GPHN: variants seen among roughly 807,000 people sequenced by gnomAD.
GPHN encodes gephyrin.
A neutral mutation model predicts 95.5 loss-of-function variants in GPHN; 17 were observed. The observed-to-expected ratio is 0.18, with a 90% CI of 0.12 to 0.27. The LOEUF (loss-of-function observed/expected upper bound fraction) is 0.27, where lower values mean the gene tolerates loss of function less well. GPHN is among the 10% of genes least tolerant of loss of function. The probability of loss-of-function intolerance (pLI) is 1.00; values close to 1 mark genes in which losing one functional copy is unlikely to be tolerated. For synonymous variants in GPHN, 320 were observed against 322.5 expected (o/e 0.99, Z 0.08); for missense variants, 660 against 978.1 (o/e 0.67, Z 4.34).
At chr14:66,758,153 G>A (rs1011724408) in intron 2 of GPHN, among the ~76,000 whole-genome samples, 2 of 152,214 alleles carry the variant, frequency 1.3e-5, no homozygotes, top group Non-Finnish European at 1.5e-5. Context: ...ATATAAAGTA[G>A]GTGAAGGTGG....
intron 3 of GPHN, among the ~76,000 whole-genome samples, chr14:66,811,511 T>C (rs530301822): frequency 1.3e-3 from 180 of 141,116 alleles, no homozygotes; most frequent in Admixed American, 1.8e-3. Context: ...ATTTTAAGAA[T>C]CATAAAAATC....
At chr14:67,440,405 C>G in the GPHN span, among the ~76,000 whole-genome samples, 1 of 151,920 alleles carries the variant, frequency 6.6e-6, no homozygotes, top group African/African-American at 2.4e-5. Flanking sequence ...CTGTCTCCCC[C>G]ACCGAAAAAA....
chr14:67,594,921 G>A, the GPHN span, among the ~76,000 whole-genome samples: 1 of 152,124 alleles, frequency 6.6e-6, no homozygotes, highest in East Asian at 1.9e-4. Flanking sequence ...AGGCCGAGGC[G>A]GGCGGATCAC....
chr14:67,651,680 C>A, the GPHN span: 3 of 451,340 alleles, frequency 6.6e-6, no homozygotes, highest in Admixed American at 4.0e-5. Flanking sequence ...AAATGTTAAA[C>A]TGAGACAATA....
chr14:67,259,728 A>C, the GPHN span, among the ~76,000 whole-genome samples: 2 of 152,040 alleles, frequency 1.3e-5, no homozygotes, highest in Non-Finnish European at 2.9e-5. Context: ...TGGGCAACAT[A>C]GGAAGACTCC....
chr14:67,166,631 T>C (rs1046780141), intron 20 of GPHN, among the ~76,000 whole-genome samples: 1 of 142,424 alleles, frequency 7.0e-6, no homozygotes, highest in Non-Finnish European at 1.5e-5. Context: ...TTTGTTGTTA[T>C]TGGTTTTGTT....
At chr14:66,802,813 G>A (rs2060407874) in intron 3 of GPHN, among the ~76,000 whole-genome samples, 1 of 152,164 alleles carries the variant, frequency 6.6e-6, no homozygotes, top group South Asian at 2.1e-4. Context: ...CTCTGGCTGA[G>A]CTGGTATCCC....
intron 8 of GPHN, among the ~76,000 whole-genome samples, chr14:66,933,028 A>T (rs971433214): frequency 1.3e-5 from 2 of 152,234 alleles, no homozygotes; most frequent in South Asian, 4.1e-4. Flanking sequence ...AGACTTTCTC[A>T]TTGATTAACT....
At chr14:66,961,661 G>C (rs1365629576) in intron 8 of GPHN, among the ~76,000 whole-genome samples, 2 of 151,360 alleles carry the variant, frequency 1.3e-5, no homozygotes, top group African/African-American at 2.4e-5. Context: ...GTATGAAAAA[G>C]TGCTCACTCT....
At position 66,965,278 on chromosome 14, in the gene GPHN, G is replaced by T; in HGVS notation, c.916G>T (p.Ala306Ser). The change falls in exon 9 of 23, where the codon GCT (alanine) becomes TCT (serine). Residue 306 changes from alanine (A) to serine (S), a missense_variant. Physicochemically the swap from Ala to Ser is moderately conservative, Grantham distance 99 (BLOSUM62 1). This residue lies in a region of GPHN where 190 missense variants were observed against 224.7 expected (regional missense o/e 0.85). Coordinates refer to ENST00000478722, the MANE Select transcript of GPHN (RefSeq NM_020806.5). ...LSTTPSESPR[A>S]QATSRLSTAS... ...CACTACTCCTTCAGAATCGCCTCGT[G>T]CTCAGGCTACATCTCGCCTCTCTAC... 1 of 1,613,474 alleles carries T rather than the reference G, an allele frequency of 6.2e-7. No individual in the cohort carries two copies. Among genetic ancestry groups the T allele is most frequent in the South Asian group, 1.1e-5 (1 of 91,040 alleles).
At chr14:67,130,410 G>C (rs1265288838) in intron 17 of GPHN, among the ~76,000 whole-genome samples, 1 of 152,022 alleles carries the variant, frequency 6.6e-6, no homozygotes, top group Non-Finnish European at 1.5e-5. Context: ...TAGGATAATG[G>C]CCTCCAGCTG....
chr14:67,474,914 CTTTT>C, the GPHN span, among the ~76,000 whole-genome samples: 5 of 124,952 alleles, frequency 4.0e-5, no homozygotes, highest in African/African-American at 3.1e-5. Flanking sequence ...GAATTTCCTT[CTTTT>C]TTTTTTTTTT....
At chr14:67,489,714 G>A in the GPHN span, among the ~76,000 whole-genome samples, 1 of 152,192 alleles carries the variant, frequency 6.6e-6, no homozygotes, top group African/African-American at 2.4e-5. Context: ...TATGTAGCCG[G>A]GCGCGGTGGC....
intron 17 of GPHN, among the ~76,000 whole-genome samples, chr14:67,128,815 A>AT (rs1157802353): frequency 0.061 from 8,547 of 139,782 alleles, 285 homozygotes; most frequent in Admixed American, 0.083. Context: ...GGCGCTTCTA[A>AT]TTTTTTTTTT....
At chr14:67,407,483 G>A in the GPHN span, among the ~76,000 whole-genome samples, 1 of 151,200 alleles carries the variant, frequency 6.6e-6, no homozygotes, top group Non-Finnish European at 1.5e-5. Flanking sequence ...TTTGGTTGCC[G>A]AGGCTGGAGT....
intron 10 of GPHN, among the ~76,000 whole-genome samples, chr14:67,034,799 C>T (rs1200603407): frequency 5.3e-5 from 8 of 151,836 alleles, no homozygotes; most frequent in Admixed American, 2.0e-4. Flanking sequence ...CATTGACAGG[C>T]GTGAAGGGAG....
chr14:67,170,506 T>A (rs1336172366), intron 21 of GPHN, among the ~76,000 whole-genome samples: 1 of 152,242 alleles, frequency 6.6e-6, no homozygotes, highest in African/African-American at 2.4e-5. Context: ...AGATCTCTTA[T>A]GAATTCTTTC....
chr14:67,576,450 G>C, the GPHN span: 1 of 1,610,744 alleles, frequency 6.2e-7, no homozygotes, highest in Non-Finnish European at 8.5e-7. The surrounding 1 kb of genome is among the most constrained non-coding windows in gnomAD (Gnocchi z 4.0). Context: ...GCCAAGGTGG[G>C]CACTGCCTAT....
the GPHN span, chr14:67,383,236 A>C: frequency 6.8e-7 from 1 of 1,479,948 alleles, no homozygotes; most frequent in Non-Finnish European, 9.2e-7. Flanking sequence ...GAGAGAAAAC[A>C]TTAGGCAGTA....
Sources: gnomAD v4.1 joint callset for allele counts (sites outside exome capture counted in the v4.1 genomes callset) on GRCh38, gnomAD v4.1.1 for gene constraint, gnomAD v4.1.1 regional missense constraint, Gnocchi (gnomAD v3.1) non-coding constraint, MANE v1.5 for transcripts, NCBI Gene and HGNC (gene_info 2026-07-23, HGNC 2026-07-21) for gene names.